The following ISM1 variants were observed in gnomAD, a reference collection of about 807,000 sequenced individuals.
The protein encoded by ISM1 is isthmin 1.
A neutral mutation model predicts 46.3 loss-of-function variants in ISM1; 25 were observed. The observed-to-expected ratio is 0.54, with a 90% confidence interval of 0.39 to 0.75. The LOEUF (loss-of-function observed/expected upper bound fraction) is 0.75. Ranked by LOEUF, ISM1 falls within the 30% of genes least tolerant of loss-of-function variation. The pLI is 0.00. For missense variants in ISM1, 536 were observed against 625.4 expected (o/e 0.86, Z 1.52); for synonymous variants, 255 against 256.7 (o/e 0.99, Z 0.06).
intron 1 of ISM1, among the ~76,000 whole-genome samples, chr20:13,265,076 A>G (rs148178380): frequency 5.4e-4 from 83 of 152,294 alleles, no homozygotes; most frequent in Admixed American, 2.7e-3. Flanking sequence ...TAACTCTGTT[A>G]TTTCATATGA....
intron 3 of ISM1, among the ~76,000 whole-genome samples, chr20:13,288,049 ACAGGTCTAG>A (rs2040312784): frequency 6.6e-6 from 1 of 152,180 alleles, no homozygotes; most frequent in African/African-American, 2.4e-5. Flanking sequence ...CCCATAATTC[ACAGGTCTAG>A]CATGGACATC....
chr20:13,315,410 T>G, the ISM1 span, among the ~76,000 whole-genome samples: 1 of 151,954 alleles, frequency 6.6e-6, no homozygotes, highest in Non-Finnish European at 1.5e-5. Flanking sequence ...AGAGTAGACT[T>G]AAGACCAAGG....
chr20:13,280,376 C>G (rs1352894485), intron 3 of ISM1, among the ~76,000 whole-genome samples: 5 of 137,734 alleles, frequency 3.6e-5, no homozygotes, highest in Non-Finnish European at 6.1e-5. Context: ...GTGTGTGTCT[C>G]AGGTCTTCAA....
In ISM1 at chr20:13,299,555, G is replaced by A. The variant is rs771413625; in HGVS notation, c.*96G>A. ...CTGGCGCCGAGACCTTCATAGCTGC[G>A]GTCGTGTATATTTGTATATACCACA... On this transcript the variant is annotated 3_prime_UTR_variant, in exon 6 of 6. Transcript: ENST00000262487. This position sits in a 1 kb window ranked among gnomAD's most constrained non-coding sequence, Gnocchi z 5.8. 3 of 1,141,182 alleles carry A rather than the reference G, an allele frequency of 2.6e-6. No individual in the cohort carries two copies. The highest frequency in any genetic ancestry group is 2.2e-5 in the Admixed American group (1 of 46,266). The allele number at this position is 1,141,182 out of a possible 1,614,324, so 70.7% of individuals were successfully genotyped here. A position where few individuals can be genotyped will look rare whatever the true frequency, so the allele number is the denominator to read the frequency against.
intron 4 of ISM1, 42 bp from the exon 5 acceptor site, chr20:13,292,332 T>A (rs2040362126): frequency 1.5e-6 from 2 of 1,313,896 alleles, no homozygotes; most frequent in African/African-American, 2.9e-5. Flanking sequence ...AGATAACTTT[T>A]TCCATGTAAT....
intron 1 of ISM1, among the ~76,000 whole-genome samples, chr20:13,265,048 C>A (rs998377480): frequency 4.6e-5 from 7 of 152,118 alleles, no homozygotes; most frequent in African/African-American, 1.7e-4. Flanking sequence ...GTGCGTTGGG[C>A]CCGATGTGTA....
chr20:13,244,767 A>G (rs560370407), intron 1 of ISM1, among the ~76,000 whole-genome samples: 2 of 152,222 alleles, frequency 1.3e-5, no homozygotes, highest in Non-Finnish European at 2.9e-5. Flanking sequence ...CCTATGCACA[A>G]GTCAAAAGTG....
chr20:13,293,959 A>G (rs1207839348), intron 5 of ISM1, among the ~76,000 whole-genome samples: 1 of 151,942 alleles, frequency 6.6e-6, no homozygotes, highest in East Asian at 1.9e-4. Context: ...GGGCAACAAG[A>G]GTGAAACTCC....
chr20:13,305,155 G>A (rs1431042240), downstream of ISM1, among the ~76,000 whole-genome samples: 2 of 148,268 alleles, frequency 1.3e-5, no homozygotes, highest in African/African-American at 5.0e-5. Context: ...TCTCATTCTG[G>A]CCAGAGACAG....
At position 13,221,720 on chromosome 20, in the gene ISM1, T is replaced by A; in HGVS notation, c.-57T>A. The A allele has an allele frequency of 4.5e-6, 6 of 1,322,548 alleles. No individual in the cohort carries two copies. Among genetic ancestry groups the A allele is most frequent in the Non-Finnish European group, 4.8e-6 (5 of 1,037,578 alleles). The allele number at this position is 1,322,548 out of a possible 1,614,324, so 81.9% of individuals were successfully genotyped here. A position where few individuals can be genotyped will look rare whatever the true frequency, so the allele number is the denominator to read the frequency against. The stretch of plus-strand genomic sequence containing the variant: ...GGCTCCTACTCCTCCTCCCCCGGCG[T>A]CACCGCCGCCGCCGCCGGCCGCCGC... On this transcript the variant is annotated 5_prime_UTR_variant, in exon 1 of 6. Coordinates refer to ENST00000262487, the MANE Select transcript of ISM1 (RefSeq NM_080826.2).
intron 3 of ISM1, among the ~76,000 whole-genome samples, chr20:13,287,755 A>G (rs537250280): frequency 3.9e-5 from 6 of 152,350 alleles, no homozygotes; most frequent in Admixed American, 3.9e-4. Context: ...ATGTTGAATA[A>G]TGACCTTGAG....
intron 1 of ISM1, among the ~76,000 whole-genome samples, chr20:13,269,814 T>C (rs1038851361): frequency 6.6e-6 from 1 of 152,190 alleles, no homozygotes; most frequent in Non-Finnish European, 1.5e-5. Context: ...ATTGTTTATT[T>C]CCCTCACCTT....
chr20:13,325,894 C>T, the ISM1 span, among the ~76,000 whole-genome samples: 21 of 152,106 alleles, frequency 1.4e-4, no homozygotes, highest in African/African-American at 5.1e-4. Flanking sequence ...GAATATAGAA[C>T]ACCAATACAC....
intron 1 of ISM1, among the ~76,000 whole-genome samples, chr20:13,257,234 G>C (rs2039938758): frequency 6.6e-6 from 1 of 152,140 alleles, no homozygotes; most frequent in Non-Finnish European, 1.5e-5. Flanking sequence ...GAGAGTATCG[G>C]CCAGGCTCGA....
At position 13,277,599 on chromosome 20, in the gene ISM1, T is replaced by C. The variant is rs995862563; in HGVS notation, c.379-2035T>C. On this transcript the variant is annotated intron_variant, in intron 2 of 5. Coordinates refer to ENST00000262487, the MANE Select transcript of ISM1 (RefSeq NM_080826.2). ...CATTCATTCCAGCAAATAGCAATGA[T>C]ACAAGATGTATGATGTATTCCTTTT... Among the ~76,000 whole-genome samples the C allele has an allele frequency of 8.5e-5, 13 of 152,076 alleles. No individual in the cohort carries two copies. In the South Asian group the frequency reaches 2.7e-3, roughly 32 times the overall value.
chr20:13,249,097 CATT>C (rs2039836049), intron 1 of ISM1, among the ~76,000 whole-genome samples: 2 of 152,066 alleles, frequency 1.3e-5, no homozygotes, highest in Admixed American at 1.3e-4. Flanking sequence ...AAATATTACT[CATT>C]GTTGGGTGGA....
chr20:13,266,006 AG>A (rs1444710609), intron 1 of ISM1, among the ~76,000 whole-genome samples: 1 of 152,152 alleles, frequency 6.6e-6, no homozygotes, highest in African/African-American at 2.4e-5. Flanking sequence ...TCCTCATTTC[AG>A]GCAGGACAAA....
Position 13,299,070 on chromosome 20 carries a change from G to A in ISM1, c.1006G>A (p.Asp336Asn), listed in dbSNP as rs150412422. The change falls in exon 6 of 6, where the codon GAC (aspartate) becomes AAC (asparagine). Residue 336 changes from aspartate to asparagine, a missense_variant. Asp to Asn is a conservative substitution (Grantham distance 23). Coordinates refer to ENST00000262487, the MANE Select transcript of ISM1 (RefSeq NM_080826.2). This position sits in a 1 kb window ranked among gnomAD's most constrained non-coding sequence, Gnocchi z 5.8. ...YPTEVAYSTA[D>N]IFDRIKRKDF... ...CACTGAGGTGGCCTACAGCACGGCC[G>A]ACATCTTCGACCGCATCAAGCGCAA... 410 of 1,613,744 alleles carry A rather than the reference G, an allele frequency of 2.5e-4. 3 individuals are homozygous for A. The East Asian group carries it at 8.8e-3, about 35-fold the overall frequency.
At chr20:13,285,508 T>C (rs534185479) in intron 3 of ISM1, among the ~76,000 whole-genome samples, 10 of 152,224 alleles carry the variant, frequency 6.6e-5, no homozygotes, top group African/African-American at 2.2e-4. Flanking sequence ...CTCTCTCCAC[T>C]GGTCCCTCCC....
Sources: gnomAD v4.1 joint callset for allele counts (sites outside exome capture counted in the v4.1 genomes callset) on GRCh38, gnomAD v4.1.1 for gene constraint, Gnocchi (gnomAD v3.1) non-coding constraint, MANE v1.5 for transcripts, NCBI Gene and HGNC (gene_info 2026-07-23, HGNC 2026-07-21) for gene names.